Variants in LRRC4B observed in about 807,000 individuals in gnomAD.
LRRC4B encodes the protein leucine-rich repeat-containing protein 4B.
A neutral mutation model predicts 7.3 loss-of-function variants in LRRC4B; 1 was observed. That is an observed-to-expected ratio of 0.14 (90% CI 0.05 to 0.65). The LOEUF is 0.65. Among genes scored for constraint, LRRC4B ranks in the 30% least tolerant of loss-of-function variants. The pLI, the probability that LRRC4B is intolerant of heterozygous loss-of-function variation, is 0.84. For missense variants in LRRC4B, 730 were observed against 1,041.6 expected (o/e 0.70, Z 4.12); for synonymous variants, 500 against 499.2 (o/e 1.00, Z -0.02).
chr19:50,538,559 G>GTTTTTTTTT lies in LRRC4B; in HGVS notation c.297+9974_297+9982dup, dbSNP rs71886675. 1.9e-4 allele frequency among the ~76,000 whole-genome samples: 17 copies of GTTTTTTTTT among 90,322 alleles called. 1 individual carries two copies. The highest frequency in any genetic ancestry group is 3.8e-4 in the Non-Finnish European group (16 of 42,666). The allele number at this position is 90,322 out of a possible 152,430, so 59.3% of individuals were successfully genotyped here. A position where few individuals can be genotyped will look rare whatever the true frequency, so the allele number is the denominator to read the frequency against. The stretch of plus-strand genomic sequence containing the variant: ...ATTTGGTTAGTTTGGGTTTTGTCTT[G>GTTTTTTTTT]TTTTTTTTTTTTTTTTTTTTTTTTT... On this transcript the variant is annotated intron_variant, in intron 2 of 2. Coordinates refer to ENST00000652263, the MANE Select transcript of LRRC4B (RefSeq NM_001080457.2).
intron 2 of LRRC4B, among the ~76,000 whole-genome samples, chr19:50,546,751 A>G (rs1473658192): frequency 1.3e-5 from 2 of 152,110 alleles, no homozygotes; most frequent in Non-Finnish European, 2.9e-5. Context: ...GCCCCCCCAC[A>G]AAGAGAAACG....
In LRRC4B at chr19:50,519,342, T is replaced by C. The variant is rs1980450446; in HGVS notation, c.371A>G (p.Lys124Arg). 4 of 1,612,264 alleles carry C rather than the reference T, an allele frequency of 2.5e-6. No individual in the cohort carries two copies. Among genetic ancestry groups the C allele is most frequent in the Admixed American group, 1.7e-5 (1 of 59,998 alleles). The change falls in exon 3 of 3, where the codon AAG becomes AGG. Residue 124 changes from lysine (K) to arginine (R), a missense_variant. Lys to Arg is a conservative substitution (Grantham distance 26). This residue lies in a region of LRRC4B where 226 missense variants were observed against 448.0 expected (regional missense o/e 0.50). Transcript: ENST00000652263. This position sits in a 1 kb window ranked among gnomAD's most constrained non-coding sequence, Gnocchi z 8.1. ...ILQLSKNLVR[K>R]IEVGAFNGLP... ...CCCGTTGAAGGCGCCCACCTCGATC[T>C]TGCGCACCAGGTTCTTGCTCAGCTG...
rs553477080 is a variant in LRRC4B at position 50,552,090 on chromosome 19, G to C, written c.-35-3217C>G. Among the ~76,000 whole-genome samples, 13 of 152,224 alleles carry C rather than the reference G, an allele frequency of 8.5e-5. No homozygotes were observed. In the South Asian group the frequency reaches 2.7e-3, roughly 32 times the overall value. ...TTGCCGGCTGGGCTGCCCAAGAAAGGGGGGTGGTTGGGCCGTGCCAAGCCG... is the reference window on the plus strand; with the variant it reads ...TTGCCGGCTGGGCTGCCCAAGAAAGCGGGGTGGTTGGGCCGTGCCAAGCCG... On this transcript the variant is annotated intron_variant, in intron 1 of 2. Coordinates refer to ENST00000652263, the MANE Select transcript of LRRC4B (RefSeq NM_001080457.2).
At position 50,518,189 on chromosome 19, in the gene LRRC4B, C is replaced by G; in HGVS notation, c.1524G>C (p.Gly508=). The change falls in exon 3 of 3, where the codon GGG becomes GGC. Residue 508 remains glycine (G), a synonymous_variant. Transcript: ENST00000652263. ...TGGGCCCTGGCGGTTCCTTCTCCGT[C>G]CCCCGCGGCTGCAGGGCCTCCTCTC... ...QPGEEALQPR[G]TEKEPPGPTT... 1 of 1,607,970 alleles carries G rather than the reference C, an allele frequency of 6.2e-7. No individual in the cohort carries two copies. Among genetic ancestry groups the G allele is most frequent in the Non-Finnish European group, 8.5e-7 (1 of 1,178,728 alleles).
chr19:50,560,229 C>T (rs1463183362), intron 1 of LRRC4B, among the ~76,000 whole-genome samples: 1 of 152,120 alleles, frequency 6.6e-6, no homozygotes, highest in African/African-American at 2.4e-5. Flanking sequence ...GCAGGTCTCA[C>T]AGCAAGGGGC....
intron 2 of LRRC4B, among the ~76,000 whole-genome samples, chr19:50,527,812 GCTCA>G (rs1276758603): frequency 6.9e-6 from 1 of 145,032 alleles, no homozygotes; most frequent in Admixed American, 7.3e-5. Context: ...CACGATCTCA[GCTCA>G]CTGCAAGCTC....
At chr19:50,541,987 C>A (rs1434237858) in intron 2 of LRRC4B, among the ~76,000 whole-genome samples, 1 of 152,212 alleles carries the variant, frequency 6.6e-6, no homozygotes, top group African/African-American at 2.4e-5. Flanking sequence ...CTCTCAGAAA[C>A]ACAGGCCGAG....
intron 2 of LRRC4B, among the ~76,000 whole-genome samples, chr19:50,520,625 G>A (rs1321466780): frequency 3.5e-5 from 5 of 141,036 alleles, no homozygotes; most frequent in African/African-American, 1.0e-4. Flanking sequence ...GTGAGACTCC[G>A]TCTCGAAAAA....
rs776283499 is a variant in LRRC4B, at chr19:50,517,838, G to T, written c.1875C>A (p.Pro625=). The T allele has an allele frequency of 1.9e-5, 30 of 1,580,998 alleles. No individual in the cohort carries two copies. Among genetic ancestry groups the T allele is most frequent in the Non-Finnish European group, 2.5e-5 (29 of 1,168,180 alleles). The part of the protein sequence containing the change: ...VEIINVEDEL[P]AASAVSVAAA... ...CGGCCACGGACACGGCCGAGGCGGC[G>T]GGCAGCTCGTCCTCCACGTTGATGA... The change falls in exon 3 of 3, where the codon CCC becomes CCA. Residue 625 remains proline (P), a synonymous_variant. Transcript: ENST00000652263. This position sits in a 1 kb window ranked among gnomAD's most constrained non-coding sequence, Gnocchi z 6.6.
At position 50,526,877 on chromosome 19, in the gene LRRC4B, A is replaced by G. The variant is rs181948548; in HGVS notation, c.298-7462T>C. ...TTTACTTTTTTTTTTTTTTTGAGAT[A>G]GAGTCTCACTCTGTTGCCCAGGATG... is the stretch of plus-strand genomic sequence containing the variant. On this transcript the variant is annotated intron_variant, in intron 2 of 2. Coordinates refer to ENST00000652263, the MANE Select transcript of LRRC4B (RefSeq NM_001080457.2). 2.2e-3 allele frequency among the ~76,000 whole-genome samples: 318 copies of G among 145,238 alleles called. 4 individuals carry two copies. Among genetic ancestry groups the G allele is most frequent in the Non-Finnish European group, 2.4e-3 (160 of 66,654 alleles).
chr19:50,566,524 C>G (rs1300216284), intron 1 of LRRC4B, among the ~76,000 whole-genome samples: 1 of 143,980 alleles, frequency 6.9e-6, no homozygotes, highest in Non-Finnish European at 1.5e-5. Context: ...AGGAGGAGAG[C>G]AGAGGTGAGG....
At chr19:50,538,559 G>GTTTTTTTT (rs71886675) in intron 2 of LRRC4B, among the ~76,000 whole-genome samples, 6 of 90,350 alleles carry the variant, frequency 6.6e-5, no homozygotes, top group Non-Finnish European at 1.4e-4. Context: ...GTTTTGTCTT[G>GTTTTTTTT]TTTTTTTTTT....
At chr19:50,549,688 G>A (rs1224177271) in intron 1 of LRRC4B, among the ~76,000 whole-genome samples, 1 of 152,238 alleles carries the variant, frequency 6.6e-6, no homozygotes, top group South Asian at 2.1e-4. Flanking sequence ...TGAAGAGGGA[G>A]GAGACTGGAG....
chr19:50,528,040 C>T (rs963976219), intron 2 of LRRC4B, among the ~76,000 whole-genome samples: 1 of 150,500 alleles, frequency 6.6e-6, no homozygotes, highest in Non-Finnish European at 1.5e-5. Context: ...CGTGCCTGGC[C>T]CTCTCTCTCT....
At chr19:50,545,066 CGT>C (rs1981739254) in intron 2 of LRRC4B, among the ~76,000 whole-genome samples, 1 of 150,162 alleles carries the variant, frequency 6.7e-6, no homozygotes, top group Non-Finnish European at 1.5e-5. Context: ...GAGCCAAGAT[CGT>C]ACCACTGCAC....
chr19:50,533,877 G>A (rs1981156992), intron 2 of LRRC4B, among the ~76,000 whole-genome samples: 1 of 152,146 alleles, frequency 6.6e-6, no homozygotes, highest in Non-Finnish European at 1.5e-5. Flanking sequence ...CAGTCTCACA[G>A]GCTCCAAAGT....
intron 2 of LRRC4B, among the ~76,000 whole-genome samples, chr19:50,542,215 A>AGTCC (rs1981579388): frequency 6.6e-6 from 1 of 152,168 alleles, no homozygotes; most frequent in Non-Finnish European, 1.5e-5. Flanking sequence ...GGTGAGGACC[A>AGTCC]GGTACCTGAC....
Position 50,517,097 on chromosome 19 carries a change from C to G in LRRC4B, c.*474G>C, listed in dbSNP as rs527371123. 1.3e-5 allele frequency: 2 copies of G among 151,586 alleles called. No individual in the cohort carries two copies. The highest frequency in any genetic ancestry group is 4.8e-5 in the African/African-American group (2 of 41,336). The allele number at this position is 151,586 out of a possible 1,614,324, so 9.4% of individuals were successfully genotyped here. A position where few individuals can be genotyped will look rare whatever the true frequency, so the allele number is the denominator to read the frequency against. ...AGAGCCGGGCGCTGGGACGGGAGCT[C>G]TGGCGACGTGTCCATCTCTTCAGTT... On this transcript the variant is annotated 3_prime_UTR_variant, in exon 3 of 3. Coordinates refer to ENST00000652263, the MANE Select transcript of LRRC4B (RefSeq NM_001080457.2). The surrounding 1 kb of genome is among the most constrained non-coding windows in gnomAD (Gnocchi z 6.6).
intron 2 of LRRC4B, among the ~76,000 whole-genome samples, chr19:50,544,144 T>A (rs1359641123): frequency 6.1e-5 from 9 of 147,552 alleles, no homozygotes; most frequent in Non-Finnish European, 1.0e-4. Flanking sequence ...GAGGCAGAGG[T>A]TGCAGTGAGC....
Sources: allele counts gnomAD v4.1 joint callset (sites outside exome capture counted in the v4.1 genomes callset), GRCh38; gene constraint gnomAD v4.1.1; regional missense constraint gnomAD v4.1.1; non-coding constraint Gnocchi (gnomAD v3.1); transcripts MANE v1.5; gene names NCBI Gene and HGNC (gene_info 2026-07-23, HGNC 2026-07-21).